Variants in ZCCHC7 observed in about 807,000 individuals in gnomAD.
ZCCHC7 encodes zinc finger CCHC-type containing 7.
ZCCHC7 carries 35 observed loss-of-function variants against 52.0 expected under a neutral mutation model. That is an observed-to-expected ratio of 0.67 (90% confidence interval 0.51 to 0.89). The LOEUF is 0.89. ZCCHC7 is among the 40% of genes least tolerant of loss of function. The probability of loss-of-function intolerance (pLI) is 0.00; values close to 1 mark genes in which losing one functional copy is unlikely to be tolerated. For synonymous variants in ZCCHC7, 217 were observed against 221.5 expected (o/e 0.98, Z 0.18); for missense variants, 574 against 649.1 (o/e 0.88, Z 1.26).
chr9:37,249,772 TC>T (rs1261199108), intron 2 of ZCCHC7, among the ~76,000 whole-genome samples: 1 of 152,100 alleles, frequency 6.6e-6, no homozygotes, highest in Non-Finnish European at 1.5e-5. Flanking sequence ...TCTAAAGTGT[TC>T]AACACTCTTA....
chr9:37,337,186 A>G (rs544355664), intron 6 of ZCCHC7, among the ~76,000 whole-genome samples: 1 of 152,300 alleles, frequency 6.6e-6, no homozygotes, highest in Non-Finnish European at 1.5e-5. Context: ...AATGTGGCAA[A>G]TAGATTAAAA....
chr9:37,353,991 C>T (rs1282702495), intron 7 of ZCCHC7, among the ~76,000 whole-genome samples: 1 of 152,074 alleles, frequency 6.6e-6, no homozygotes, highest in East Asian at 1.9e-4. Flanking sequence ...AGGCCAAAGC[C>T]TATGGATTTG....
At chr9:37,300,401 G>A (rs922533507) in intron 2 of ZCCHC7, among the ~76,000 whole-genome samples, 1 of 152,180 alleles carries the variant, frequency 6.6e-6, no homozygotes, top group Admixed American at 6.5e-5. Context: ...TTGAATGAAA[G>A]AATAATAGCA....
rs370001210 is a variant in ZCCHC7 at position 37,232,057 on chromosome 9, G to C, written c.611-70131G>C. Among the ~76,000 whole-genome samples, 82 of 152,242 alleles carry C rather than the reference G, an allele frequency of 5.4e-4. 1 individual carries two copies. Among genetic ancestry groups the C allele is most frequent in the East Asian group, 5.2e-3 (27 of 5,188 alleles). On this transcript the variant is annotated intron_variant, in intron 2 of 8. Transcript: ENST00000336755. Reference sequence around the variant, plus strand: ...TCATTACAGACATTTCTGCGTTTTGGTTTACATGTGTTCTTGCCTTATTTT... The same window carrying C: ...TCATTACAGACATTTCTGCGTTTTGCTTTACATGTGTTCTTGCCTTATTTT...
intron 2 of ZCCHC7, among the ~76,000 whole-genome samples, chr9:37,134,300 A>G (rs1254874922): frequency 6.6e-6 from 1 of 152,116 alleles, no homozygotes; most frequent in African/African-American, 2.4e-5. Context: ...TTTGTCTTCT[A>G]GAATTTCCAA....
At chr9:37,166,614 T>G (rs1344781855) in intron 2 of ZCCHC7, among the ~76,000 whole-genome samples, 1 of 152,160 alleles carries the variant, frequency 6.6e-6, no homozygotes, top group Non-Finnish European at 1.5e-5. Flanking sequence ...CAGTGGATTT[T>G]ATTTGCTCTT....
intron 2 of ZCCHC7, among the ~76,000 whole-genome samples, chr9:37,250,444 G>T (rs1826277376): frequency 6.6e-6 from 1 of 151,998 alleles, no homozygotes; most frequent in African/African-American, 2.4e-5. Flanking sequence ...TGGGATTACA[G>T]ATGCCTGCCA....
At chr9:37,134,313 G>A (rs900953628) in intron 2 of ZCCHC7, among the ~76,000 whole-genome samples, 6 of 151,906 alleles carry the variant, frequency 3.9e-5, no homozygotes, top group Non-Finnish European at 7.4e-5. Context: ...ATTTCCAATG[G>A]TCTGAATTTT....
At chr9:37,235,539 C>T (rs1403844884) in intron 2 of ZCCHC7, among the ~76,000 whole-genome samples, 2 of 83,344 alleles carry the variant, frequency 2.4e-5, no homozygotes, top group South Asian at 6.7e-4. Flanking sequence ...CCCCTCCCCC[C>T]TCCCCTCCCC....
chr9:37,135,005 G>C (rs1336186989), intron 2 of ZCCHC7, among the ~76,000 whole-genome samples: 4 of 152,116 alleles, frequency 2.6e-5, no homozygotes, highest in Non-Finnish European at 5.9e-5. Context: ...AGGATTACAG[G>C]CATGAGCCAC....
At position 37,349,403 on chromosome 9, in the gene ZCCHC7, C is replaced by T; in HGVS notation, c.1034C>T (p.Ser345Leu). The change falls in exon 7 of 9, where the codon TCA becomes TTA. Residue 345 changes from serine (S) to leucine (L), a missense_variant. By Grantham distance (145) the Ser-to-Leu change is moderately radical (BLOSUM62 -2). Transcript: ENST00000336755. ...AAGCCGAAGACCCCTTCAAGACCAT[C>T]AGCCTTAGCATATTGCTATCACTGC... ...PKKPKTPSRP[S>L]ALAYCYHCAQ... is the part of the protein sequence containing the mutation. 6.2e-7 allele frequency: 1 copy of T among 1,614,154 alleles called. No individual in the cohort carries two copies. The highest frequency in any genetic ancestry group is 8.5e-7 in the Non-Finnish European group (1 of 1,179,992).
At chr9:37,133,872 AG>A (rs1389551010) in intron 2 of ZCCHC7, among the ~76,000 whole-genome samples, 1 of 152,188 alleles carries the variant, frequency 6.6e-6, no homozygotes, top group Non-Finnish European at 1.5e-5. Context: ...TATAGGCGTG[AG>A]CCACCGTGCC....
chr9:37,347,604 G>T (rs370186180), intron 6 of ZCCHC7, among the ~76,000 whole-genome samples: 1 of 152,048 alleles, frequency 6.6e-6, no homozygotes. Context: ...CCTGTGTGCT[G>T]TTTCTCCTCA....
intron 2 of ZCCHC7, among the ~76,000 whole-genome samples, chr9:37,200,801 C>T (rs540389866): frequency 2.6e-5 from 4 of 152,352 alleles, no homozygotes; most frequent in Non-Finnish European, 5.9e-5. Context: ...AGGCTCTCTG[C>T]TTAAAGATGC....
intron 2 of ZCCHC7, among the ~76,000 whole-genome samples, chr9:37,176,100 G>A (rs1277138849): frequency 2.6e-5 from 4 of 151,980 alleles, no homozygotes; most frequent in Non-Finnish European, 4.4e-5. Context: ...TTTTGAGATG[G>A]AGTCTTGCTG....
chr9:37,128,909 T>C (rs911388369), intron 2 of ZCCHC7, among the ~76,000 whole-genome samples: 2 of 152,220 alleles, frequency 1.3e-5, no homozygotes, highest in Non-Finnish European at 2.9e-5. Context: ...AATAAGCATT[T>C]AGCTTATTCT....
At chr9:37,123,419 G>GT (rs755138377) in intron 1 of ZCCHC7, among the ~76,000 whole-genome samples, 3 of 152,106 alleles carry the variant, frequency 2.0e-5, no homozygotes, top group Non-Finnish European at 4.4e-5. Flanking sequence ...AGTACAGACG[G>GT]TACAAAATCC....
chr9:37,316,934 CA>C (rs199514836), intron 5 of ZCCHC7, among the ~76,000 whole-genome samples: 133 of 142,472 alleles, frequency 9.3e-4, no homozygotes, highest in African/African-American at 3.1e-3. Flanking sequence ...ATTGGTAGAT[CA>C]AAAAAAATAA....
intron 2 of ZCCHC7, among the ~76,000 whole-genome samples, chr9:37,231,345 A>G (rs1044309474): frequency 6.6e-6 from 1 of 152,200 alleles, no homozygotes; most frequent in Non-Finnish European, 1.5e-5. Context: ...AATTATTTAG[A>G]TATTCCATAT....
Sources: gnomAD v4.1 joint callset for allele counts (sites outside exome capture counted in the v4.1 genomes callset) on GRCh38, gnomAD v4.1.1 for gene constraint, MANE v1.5 for transcripts, NCBI Gene and HGNC (gene_info 2026-07-23, HGNC 2026-07-21) for gene names.